The following MAML3 variants were observed in gnomAD, a reference collection of about 807,000 sequenced individuals.
MAML3 encodes mastermind like transcriptional coactivator 3, also known as mastermind-like protein 3.
In MAML3, 27 loss-of-function variants were observed where a neutral mutation model predicts 101.9. The ratio of observed to expected loss-of-function variants is 0.27; its 90% CI spans 0.20 to 0.37. The LOEUF (loss-of-function observed/expected upper bound fraction) is 0.37, where lower values mean the gene tolerates loss of function less well. MAML3 is among the 10% of genes least tolerant of loss of function. The probability of loss-of-function intolerance (pLI) is 1.00; values close to 1 mark genes in which losing one functional copy is unlikely to be tolerated. For missense variants in MAML3, 1,316 were observed against 1,444.9 expected (o/e 0.91, Z 1.45); for synonymous variants, 501 against 555.9 (o/e 0.90, Z 1.39).
At chr4:139,781,053 C>T (rs1434835417) in intron 2 of MAML3, among the ~76,000 whole-genome samples, 1 of 152,144 alleles carries the variant, frequency 6.6e-6, no homozygotes, top group Non-Finnish European at 1.5e-5. Context: ...TCCCTATGCC[C>T]AACTACTATA....
intron 2 of MAML3, among the ~76,000 whole-genome samples, chr4:139,811,725 C>T (rs542645593): frequency 6.6e-6 from 1 of 152,288 alleles, no homozygotes; most frequent in Non-Finnish European, 1.5e-5. Flanking sequence ...TGTTTATCTC[C>T]ATTTCTTTTC....
At chr4:140,099,273 A>C (rs974421178) in intron 1 of MAML3, among the ~76,000 whole-genome samples, 1 of 152,026 alleles carries the variant, frequency 6.6e-6, no homozygotes, top group African/African-American at 2.4e-5. Context: ...GCACACAAAC[A>C]ACTCAGGAGC....
At chr4:140,081,784 T>C (rs1199759495) in intron 1 of MAML3, among the ~76,000 whole-genome samples, 1 of 152,232 alleles carries the variant, frequency 6.6e-6, no homozygotes, top group East Asian at 1.9e-4. Context: ...AGGCTGCCCG[T>C]AGATCTCCAT....
intron 2 of MAML3, among the ~76,000 whole-genome samples, chr4:139,843,784 T>C (rs1261113374): frequency 1.3e-5 from 2 of 152,174 alleles, no homozygotes; most frequent in African/African-American, 2.4e-5. Context: ...AGTCTGGACC[T>C]CAGCTTCTGT....
chr4:140,110,418 CACGCTCTAATAATAAGATGGAT>C (rs965080919), intron 1 of MAML3, among the ~76,000 whole-genome samples: 4 of 152,300 alleles, frequency 2.6e-5, no homozygotes, highest in East Asian at 3.9e-4. Context: ...ACCTTTCCTT[CACGCTCTAATAATAAGATGGAT>C]ACGCTCTAAT....
intron 1 of MAML3, among the ~76,000 whole-genome samples, chr4:140,058,033 A>G (rs1727381930): frequency 6.9e-6 from 1 of 144,598 alleles, no homozygotes; most frequent in African/African-American, 2.6e-5. Context: ...GATTAAACGT[A>G]CAGTTACTCT....
intron 1 of MAML3, among the ~76,000 whole-genome samples, chr4:140,142,887 T>G (rs62345611): frequency 6.6e-6 from 1 of 152,170 alleles, no homozygotes; most frequent in African/African-American, 2.4e-5. Flanking sequence ...GCTACAAGGG[T>G]CACCTCGTCC....
In MAML3 at chr4:139,890,965, T is replaced by G; in HGVS notation, c.471A>C (p.Leu157=). The G allele has an allele frequency of 6.2e-7, 1 of 1,608,720 alleles. No individual in the cohort carries two copies. The highest frequency in any genetic ancestry group is 1.1e-5 in the South Asian group (1 of 90,670). The change falls in exon 2 of 5, where the codon CTA becomes CTC. Residue 157 remains leucine, a splice_region_variant and synonymous_variant. Transcript: ENST00000509479. The surrounding 1 kb of genome is among the most constrained non-coding windows in gnomAD (Gnocchi z 4.1). The stretch of plus-strand genomic sequence containing the variant: ...CCAACTTCCTTTTCACAGTCTCTTG[T>G]AGCTGGAAAAGAAACAGGAAAGAGG... ...AEQRNHTLIM[L]QETVKRKLEG...
chr4:140,147,131 CAAAAAAAAAAAA>C (rs58459047), intron 1 of MAML3, among the ~76,000 whole-genome samples: 10 of 81,344 alleles, frequency 1.2e-4, no homozygotes, highest in Non-Finnish European at 1.8e-4. Flanking sequence ...GACTCCATCT[CAAAAAAAAAAAA>C]AAAAAAAAAA....
intron 1 of MAML3, among the ~76,000 whole-genome samples, chr4:139,993,149 G>A (rs1282823273): frequency 6.6e-6 from 1 of 151,738 alleles, no homozygotes; most frequent in African/African-American, 2.4e-5. Context: ...GTCAGGAGTT[G>A]GAGATCAGCC....
intron 1 of MAML3, among the ~76,000 whole-genome samples, chr4:139,913,338 A>G (rs1280114030): frequency 6.6e-6 from 1 of 152,170 alleles, no homozygotes; most frequent in Non-Finnish European, 1.5e-5. Flanking sequence ...TTTATGGATT[A>G]TAATCCTAAG....
intron 2 of MAML3, among the ~76,000 whole-genome samples, chr4:139,782,303 T>C (rs1344715175): frequency 1.3e-5 from 2 of 152,116 alleles, no homozygotes; most frequent in Non-Finnish European, 2.9e-5. Flanking sequence ...GCTTGGACTA[T>C]AGGAGCTCAC....
intron 1 of MAML3, among the ~76,000 whole-genome samples, chr4:139,954,423 A>G (rs1324275794): frequency 6.6e-6 from 1 of 152,220 alleles, no homozygotes; most frequent in Non-Finnish European, 1.5e-5. Flanking sequence ...TCCGTGGAAC[A>G]CCTTTGTCAG....
At position 140,138,683 on chromosome 4, in the gene MAML3, C is replaced by T. The variant is rs117644811; in HGVS notation, c.468+14177G>A. Among the ~76,000 whole-genome samples, 192 of 152,148 alleles carry T rather than the reference C, an allele frequency of 1.3e-3. 1 individual carries two copies. The East Asian group carries it at 0.014, about 11-fold the overall frequency. On this transcript the variant is annotated intron_variant, in intron 1 of 4. Transcript: ENST00000509479. ...ACTCTCCCCAGTGAGAGAGGGGAAA[C>T]GATGGACTGAAGTCCCACAGTGGAT...
At chr4:139,859,982 GGA>G (rs1300151172) in intron 2 of MAML3, among the ~76,000 whole-genome samples, 1 of 152,222 alleles carries the variant, frequency 6.6e-6, no homozygotes, top group African/African-American at 2.4e-5. Flanking sequence ...AGGCGTCGCG[GGA>G]GGGGCTAGAG....
At chr4:139,824,270 C>T (rs1731022475) in intron 2 of MAML3, among the ~76,000 whole-genome samples, 1 of 152,180 alleles carries the variant, frequency 6.6e-6, no homozygotes, top group Admixed American at 6.5e-5. Context: ...AAAGATCCTA[C>T]CTTAAATGCC....
chr4:140,069,348 GAGAAGGAGAAGGAGAAGAAGA>G (rs1248047745), intron 1 of MAML3, among the ~76,000 whole-genome samples: 44 of 114,420 alleles, frequency 3.8e-4, no homozygotes, highest in African/African-American at 1.2e-3. Context: ...GAAGGAGAAG[GAGAAGGAGAAGGAGAAGAAGA>G]AGAAGAAGAA....
In MAML3 at chr4:139,841,850, T is replaced by C. The variant is rs145889076; in HGVS notation, c.2079+47507A>G. 3.6e-3 allele frequency among the ~76,000 whole-genome samples: 548 copies of C among 152,340 alleles called. 2 individuals carry two copies. The highest frequency in any genetic ancestry group is 0.017 in the Middle Eastern group (5 of 294). Reference sequence around the variant, plus strand: ...AACAGCTGCATTAACAAAATCTTTTTACATGTGTCCACGGTGAGCAGCGCA... The same window carrying C: ...AACAGCTGCATTAACAAAATCTTTTCACATGTGTCCACGGTGAGCAGCGCA... On this transcript the variant is annotated intron_variant, in intron 2 of 4. Transcript: ENST00000509479.
At chr4:139,866,232 CAATT>C (rs1731898585) in intron 2 of MAML3, among the ~76,000 whole-genome samples, 1 of 152,202 alleles carries the variant, frequency 6.6e-6, no homozygotes, top group Non-Finnish European at 1.5e-5. Flanking sequence ...TGAAGTATAA[CAATT>C]AAGGATGAGG....
Sources: allele counts gnomAD v4.1 joint callset (sites outside exome capture counted in the v4.1 genomes callset), GRCh38; gene constraint gnomAD v4.1.1; non-coding constraint Gnocchi (gnomAD v3.1); transcripts MANE v1.5; gene names NCBI Gene and HGNC (gene_info 2026-07-23, HGNC 2026-07-21).